DNAH9: variants seen among roughly 807,000 people sequenced by gnomAD.
DNAH9 encodes the protein dynein axonemal heavy chain 9.
In DNAH9, 345 loss-of-function variants were observed where a neutral mutation model predicts 471.6. That is an observed-to-expected ratio of 0.73 (90% CI 0.67 to 0.80). The LOEUF is 0.80. Ranked by LOEUF, DNAH9 falls within the 30% of genes least tolerant of loss-of-function variation. The pLI is 0.00. For missense variants in DNAH9, 5,407 were observed against 5,609.2 expected (o/e 0.96, Z 1.15); for synonymous variants, 2,093 against 2,123.6 (o/e 0.99, Z 0.40).
intron 39 of DNAH9, among the ~76,000 whole-genome samples, chr17:11,782,560 G>A (rs562106526): frequency 3.2e-4 from 49 of 152,088 alleles, no homozygotes; most frequent in Middle Eastern, 6.8e-3. Flanking sequence ...CCCACTCATC[G>A]ATCGGTCCCC....
At chr17:11,746,424 T>G (rs1387890092) in intron 31 of DNAH9, among the ~76,000 whole-genome samples, 2 of 152,176 alleles carry the variant, frequency 1.3e-5, no homozygotes, top group Non-Finnish European at 1.5e-5. Context: ...CTGCTACAAA[T>G]CAGGTGGAGG....
intron 58 of DNAH9, among the ~76,000 whole-genome samples, chr17:11,893,784 C>T (rs1243018955): frequency 6.6e-6 from 1 of 152,130 alleles, no homozygotes; most frequent in African/African-American, 2.4e-5. Flanking sequence ...ACCTAGATGA[C>T]AGGTTGACAG....
At chr17:11,610,074 T>C (rs111674497) in intron 2 of DNAH9, among the ~76,000 whole-genome samples, 3,442 of 152,372 alleles carry the variant, frequency 0.023, 47 homozygotes, top group Non-Finnish European at 0.033. Flanking sequence ...CTGTCCACGG[T>C]ATTCCTGCAT....
chr17:11,860,244 T>A (rs568020194), intron 50 of DNAH9, among the ~76,000 whole-genome samples: 4 of 152,226 alleles, frequency 2.6e-5, no homozygotes, highest in Non-Finnish European at 5.9e-5. Context: ...TCCTTTATTG[T>A]CTCTTTCTCT....
intron 44 of DNAH9, among the ~76,000 whole-genome samples, chr17:11,809,798 G>T (rs917556828): frequency 6.6e-6 from 1 of 151,914 alleles, no homozygotes; most frequent in African/African-American, 2.4e-5. Context: ...TTCCATATAA[G>T]TATGTAAGTC....
At chr17:11,625,936 C>T (rs1400927504) in intron 6 of DNAH9, among the ~76,000 whole-genome samples, 1 of 152,190 alleles carries the variant, frequency 6.6e-6, no homozygotes, top group Non-Finnish European at 1.5e-5. Flanking sequence ...CTACAGGGAA[C>T]CTTCCATAAA....
chr17:11,771,707 C>G lies in DNAH9; in HGVS notation c.7552+2378C>G, dbSNP rs989881902. On this transcript the variant is annotated intron_variant, in intron 38 of 68. Transcript: ENST00000262442. Reference sequence around the variant, plus strand: ...CAAATATGTACCCTTATTTTCAAGCCTTGAGTCCAACAACTGATCAGATTA... The same window carrying G: ...CAAATATGTACCCTTATTTTCAAGCGTTGAGTCCAACAACTGATCAGATTA... Among the ~76,000 whole-genome samples the G allele has an allele frequency of 2.6e-5, 4 of 152,122 alleles. No individual in the cohort carries two copies. Among genetic ancestry groups the G allele is most frequent in the Non-Finnish European group, 4.4e-5 (3 of 68,040 alleles).
chr17:11,897,702 A>T (rs1973263096), intron 59 of DNAH9, among the ~76,000 whole-genome samples: 1 of 152,188 alleles, frequency 6.6e-6, no homozygotes, highest in Non-Finnish European at 1.5e-5. Context: ...ATGTTGTCTT[A>T]TTCCTCTGAG....
At chr17:11,942,579 TG>T (rs1974965539) in intron 67 of DNAH9, 94 bp downstream of exon 67, 3 of 1,355,552 alleles carry the variant, frequency 2.2e-6, no homozygotes, top group Admixed American at 2.6e-5. Flanking sequence ...ACCTGAAAGC[TG>T]GGGAGCAGTT....
intron 35 of DNAH9, among the ~76,000 whole-genome samples, chr17:11,762,775 T>TTTG (rs1967753014): frequency 8.9e-6 from 1 of 112,046 alleles, no homozygotes; most frequent in Non-Finnish European, 1.8e-5. Flanking sequence ...TTTTTGTTTT[T>TTTG]TTTTTTTTTT....
chr17:11,601,314 A>T (rs954507711), intron 1 of DNAH9, among the ~76,000 whole-genome samples: 1 of 151,068 alleles, frequency 6.6e-6, no homozygotes, highest in African/African-American at 2.4e-5. Flanking sequence ...ATTTATGTTT[A>T]AAAAAGAAAG....
intron 35 of DNAH9, among the ~76,000 whole-genome samples, chr17:11,760,864 G>C (rs1967636834): frequency 6.6e-6 from 1 of 152,240 alleles, no homozygotes; most frequent in Non-Finnish European, 1.5e-5. Flanking sequence ...GGGAGCTGCA[G>C]CTCCGCGATG....
At chr17:11,647,813 T>C (rs2073424017) in intron 12 of DNAH9, among the ~76,000 whole-genome samples, 1 of 152,216 alleles carries the variant, frequency 6.6e-6, no homozygotes, top group Admixed American at 6.5e-5. Flanking sequence ...GACTCTAGAT[T>C]AGTGGTTCTC....
At chr17:11,848,379 T>C (rs1230242184) in intron 49 of DNAH9, among the ~76,000 whole-genome samples, 3 of 152,120 alleles carry the variant, frequency 2.0e-5, no homozygotes, top group Admixed American at 1.3e-4. Context: ...AAACCAATAT[T>C]GTGATCTTAT....
chr17:11,689,510 C>G (rs1443740572), intron 19 of DNAH9, 56 bp from the exon 20 acceptor site: 1 of 1,472,032 alleles, frequency 6.8e-7, no homozygotes, highest in African/African-American at 1.4e-5. Context: ...CTTAGAGATG[C>G]TAGGAGATGG....
intron 11 of DNAH9, among the ~76,000 whole-genome samples, chr17:11,646,613 T>C (rs2073396094): frequency 6.6e-6 from 1 of 152,154 alleles, no homozygotes; most frequent in South Asian, 2.1e-4. Context: ...CAATGCTACC[T>C]TTAGAAATCT....
At chr17:11,712,646 C>T (rs8067089) in intron 26 of DNAH9, among the ~76,000 whole-genome samples, 13,509 of 151,978 alleles carry the variant, frequency 0.089, 1,965 homozygotes, top group African/African-American at 0.31. Context: ...GACATTTGGA[C>T]TTTAATTCGC....
chr17:11,917,398 C>T (rs1375390224), intron 61 of DNAH9, among the ~76,000 whole-genome samples: 1 of 152,120 alleles, frequency 6.6e-6, no homozygotes, highest in Non-Finnish European at 1.5e-5. Context: ...CTCAGGTGAT[C>T]CACCCGCCGC....
chr17:11,639,995 C>G (rs1024177210), intron 9 of DNAH9, among the ~76,000 whole-genome samples: 1 of 152,150 alleles, frequency 6.6e-6, no homozygotes, highest in African/African-American at 2.4e-5. Flanking sequence ...AAGAGTTAGA[C>G]TCCTTGAAAC....
Sources: gnomAD v4.1 joint callset for allele counts (sites outside exome capture counted in the v4.1 genomes callset) on GRCh38, gnomAD v4.1.1 for gene constraint, MANE v1.5 for transcripts, NCBI Gene and HGNC (gene_info 2026-07-23, HGNC 2026-07-21) for gene names.